The following DGCR2 variants were observed in gnomAD, a reference collection of about 807,000 sequenced individuals.
DGCR2 encodes the protein integral membrane protein DGCR2/IDD.
Under a neutral mutation model 51.6 loss-of-function variants are expected in DGCR2, and 24 were observed. The ratio of observed to expected loss-of-function variants is 0.47; its 90% CI spans 0.34 to 0.65. The LOEUF is 0.65. DGCR2 is among the 30% of genes least tolerant of loss of function. The pLI is 0.01. For synonymous variants in DGCR2, 340 were observed against 315.4 expected, an observed-to-expected ratio of 1.08 and a Z score of -0.82; for missense variants, 765 against 772.1, an observed-to-expected ratio of 0.99 and a Z score of 0.11.
chr22:19,090,479 C>T (rs2083066293), intron 1 of DGCR2, among the ~76,000 whole-genome samples: 1 of 152,174 alleles, frequency 6.6e-6, no homozygotes, highest in Admixed American at 6.5e-5. Flanking sequence ...GCAGATTTCT[C>T]ATTAGAAACG....
At chr22:19,067,991 A>T (rs548353584) in intron 3 of DGCR2, 109 bp downstream of exon 3, 19 of 1,394,356 alleles carry the variant, frequency 1.4e-5, no homozygotes, top group Middle Eastern at 2.7e-4. Flanking sequence ...ACTGGCCTCC[A>T]AGGGCTGCTT....
chr22:19,076,349 G>C (rs1047212171), intron 2 of DGCR2, among the ~76,000 whole-genome samples: 13 of 149,678 alleles, frequency 8.7e-5, no homozygotes, highest in African/African-American at 3.3e-4. Context: ...ATTTTTGGTA[G>C]AGACGGGGTT....
intron 1 of DGCR2, among the ~76,000 whole-genome samples, chr22:19,106,739 C>G (rs543762895): frequency 6.6e-6 from 1 of 152,284 alleles, no homozygotes; most frequent in South Asian, 2.1e-4. Context: ...TGTCCCACAT[C>G]AAGTTGGCAG....
intron 2 of DGCR2, among the ~76,000 whole-genome samples, chr22:19,081,559 G>A (rs758008111): frequency 6.6e-6 from 1 of 152,158 alleles, no homozygotes; most frequent in Non-Finnish European, 1.5e-5. Flanking sequence ...ATGTATCAAT[G>A]GCAAAAATTA....
chr22:19,105,566 C>T (rs367789215), intron 1 of DGCR2, among the ~76,000 whole-genome samples: 6 of 152,144 alleles, frequency 3.9e-5, no homozygotes, highest in Non-Finnish European at 5.9e-5. Context: ...GGGAAGGGAG[C>T]GATGCACGCT....
At chr22:19,067,994 G>C in intron 3 of DGCR2, 106 bp downstream of exon 3, 1 of 1,396,124 alleles carries the variant, frequency 7.2e-7, no homozygotes, top group Non-Finnish European at 9.3e-7. Context: ...GGCCTCCAAG[G>C]GCTGCTTTGA....
intron 2 of DGCR2, among the ~76,000 whole-genome samples, chr22:19,079,505 C>T (rs945092363): frequency 6.6e-6 from 1 of 152,160 alleles, no homozygotes; most frequent in African/African-American, 2.4e-5. Context: ...GAACGAGAAC[C>T]TGGAGCTTCC....
chr22:19,043,719 C>A (rs984544762), intron 7 of DGCR2, among the ~76,000 whole-genome samples: 4 of 152,090 alleles, frequency 2.6e-5, no homozygotes, highest in African/African-American at 9.7e-5. Flanking sequence ...CTGCCTGCCC[C>A]AAGGAGACAC....
In DGCR2 at chr22:19,039,059, C is replaced by T; in HGVS notation, c.1459G>A (p.Gly487Ser). The T allele has an allele frequency of 6.2e-7, 1 of 1,613,268 alleles. No homozygotes were observed. The highest frequency in any genetic ancestry group is 1.3e-5 in the African/African-American group (1 of 75,060). The part of the protein sequence containing the change: ...LPAPGDGGSE[G>S]ALLRRLEQPL... ...TGCTCCAGGCGCCGGAGTAATGCACCTTCACTCCCACCATCCCCAGGGGCT... is the reference window on the plus strand; with the variant it reads ...TGCTCCAGGCGCCGGAGTAATGCACTTTCACTCCCACCATCCCCAGGGGCT... Residue 487 changes from glycine to serine, a missense_variant, in exon 10 of 10, where the codon GGT (glycine) becomes AGT (serine). This residue lies in a region of DGCR2 where 205 missense variants were observed against 181.4 expected (regional missense o/e 1.13). Transcript: ENST00000263196.
chr22:19,055,921 G>T, intron 6 of DGCR2: 1 of 156,154 alleles, frequency 6.4e-6, no homozygotes, highest in South Asian at 2.0e-4. Context: ...ACAACGAGCT[G>T]ATTCACTGCA....
chr22:19,062,101 A>C (rs2082669778), intron 5 of DGCR2, among the ~76,000 whole-genome samples: 2 of 152,206 alleles, frequency 1.3e-5, no homozygotes, highest in African/African-American at 4.8e-5. Context: ...ATTATGCTCT[A>C]TGAGGCAAAC....
rs549937237 is a variant in DGCR2, at chr22:19,104,037, GA to G, written c.80-14548del. On this transcript the variant is annotated intron_variant, in intron 1 of 9. Coordinates refer to ENST00000263196, the MANE Select transcript of DGCR2 (RefSeq NM_005137.3). ...GCACTGTTCTTTCAAAAGAGAGAGA[GA>G]AAAAAAGAGAGAATCCCAAGCATAC... Among the ~76,000 whole-genome samples the G allele has an allele frequency of 1.0e-3, 153 of 151,008 alleles. 1 individual carries two copies. The Middle Eastern group carries it at 0.021, about 20-fold the overall frequency.
Position 19,057,264 on chromosome 22 carries a change from G to T in DGCR2, c.626-102C>A, listed in dbSNP as rs2082614345. On this transcript the variant is annotated intron_variant, in intron 5 of 9. Transcript: ENST00000263196. The surrounding 1 kb of genome is among the most constrained non-coding windows in gnomAD (Gnocchi z 5.1). ...GCGTCAGACAGGATCATCAACCACA[G>T]GGCCTGGACCGCCAAGTACTGGTGG... 1 of 1,293,524 alleles carries T rather than the reference G, an allele frequency of 7.7e-7. No homozygotes were observed. Among genetic ancestry groups the T allele is most frequent in the Non-Finnish European group, 1.0e-6 (1 of 956,300 alleles). 80.1% of individuals were successfully genotyped at this position (1,293,524 alleles called of 1,614,324 possible). A position where few individuals can be genotyped will look rare whatever the true frequency, so the allele number is the denominator to read the frequency against.
rs146393720 is a variant in DGCR2 at position 19,097,671 on chromosome 22, T to A, written c.80-8181A>T. Among the ~76,000 whole-genome samples the A allele has an allele frequency of 1.0e-3, 159 of 152,298 alleles. 1 individual carries two copies. The highest frequency in any genetic ancestry group is 1.9e-3 in the Non-Finnish European group (127 of 68,022). ...AACTCAAACACACTTGAAGAATACT[T>A]CTTCTCTCCATACTCTATGCATGTC... is the stretch of plus-strand genomic sequence containing the variant. On this transcript the variant is annotated intron_variant, in intron 1 of 9. Transcript: ENST00000263196.
chr22:19,117,238 A>T (rs2083383067), intron 1 of DGCR2, among the ~76,000 whole-genome samples: 1 of 152,252 alleles, frequency 6.6e-6, no homozygotes. Context: ...AGGGGTGGGG[A>T]AAGTGCCCAC....
chr22:19,062,779 A>ACTCTCACTCTCTCTCTCTCTCTCTCTCT (rs2082688845), intron 5 of DGCR2, among the ~76,000 whole-genome samples: 1 of 127,354 alleles, frequency 7.9e-6, no homozygotes, highest in African/African-American at 2.7e-5. Context: ...ATGCATGCTC[A>ACTCTCACTCTCTCTCTCTCTCTCTCTCT]CTCTCTCTCT....
intron 6 of DGCR2, among the ~76,000 whole-genome samples, chr22:19,052,205 C>G (rs2082555384): frequency 1.3e-5 from 2 of 152,132 alleles, no homozygotes; most frequent in Admixed American, 6.6e-5. Flanking sequence ...TCATCTGAGA[C>G]TGGGAGTTCA....
At chr22:19,110,742 C>A (rs2083305764) in intron 1 of DGCR2, among the ~76,000 whole-genome samples, 1 of 152,146 alleles carries the variant, frequency 6.6e-6, no homozygotes, top group African/African-American at 2.4e-5. Context: ...CTCTATGCTG[C>A]CCATGTTTCA....
chr22:19,080,736 T>A (rs183955738), intron 2 of DGCR2, among the ~76,000 whole-genome samples: 9 of 152,166 alleles, frequency 5.9e-5, no homozygotes. Flanking sequence ...CTCAGGAGGC[T>A]GAGGTGGGAG....
Sources: allele counts gnomAD v4.1 joint callset (sites outside exome capture counted in the v4.1 genomes callset), GRCh38; gene constraint gnomAD v4.1.1; regional missense constraint gnomAD v4.1.1; non-coding constraint Gnocchi (gnomAD v3.1); transcripts MANE v1.5; gene names NCBI Gene and HGNC (gene_info 2026-07-23, HGNC 2026-07-21).